Variants in MACROH2A1 observed in about 807,000 individuals in gnomAD.
MACROH2A1 encodes the protein core histone macro-H2A.1.
In MACROH2A1, 2 loss-of-function variants were observed where a neutral mutation model predicts 31.6. The observed-to-expected ratio is 0.06, with a 90% confidence interval of 0.03 to 0.20. MACROH2A1 has a LOEUF of 0.20. MACROH2A1 is among the 10% of genes least tolerant of loss of function. The pLI, the probability that MACROH2A1 is intolerant of heterozygous loss-of-function variation, is 1.00. For missense variants in MACROH2A1, 230 were observed against 474.0 expected, an observed-to-expected ratio of 0.49 and a Z score of 4.78; for synonymous variants, 169 against 189.6, an observed-to-expected ratio of 0.89 and a Z score of 0.89.
chr5:135,357,957 C>T (rs1039543732), intron 5 of MACROH2A1: 1 of 985,144 alleles, frequency 1.0e-6, no homozygotes, highest in Non-Finnish European at 1.2e-6. Flanking sequence ...AGCTTGCTTG[C>T]AATCTTCAAG....
intron 1 of MACROH2A1, among the ~76,000 whole-genome samples, chr5:135,390,387 C>G (rs1767052054): frequency 6.6e-6 from 1 of 152,218 alleles, no homozygotes; most frequent in Non-Finnish European, 1.5e-5. Flanking sequence ...TTACTTGGAG[C>G]ATCCTGTTCA....
intron 8 of MACROH2A1, among the ~76,000 whole-genome samples, chr5:135,339,002 C>A (rs1759302496): frequency 6.6e-6 from 1 of 152,190 alleles, no homozygotes; most frequent in Non-Finnish European, 1.5e-5. Flanking sequence ...ATCAGCCCCA[C>A]CTGGGAGATG....
intron 1 of MACROH2A1, among the ~76,000 whole-genome samples, chr5:135,395,858 A>C (rs545997719): frequency 6.6e-6 from 1 of 152,362 alleles, no homozygotes; most frequent in South Asian, 2.1e-4. Flanking sequence ...ACTCTCAGTG[A>C]ACTAGGGGAC....
chr5:135,341,347 G>T (rs576512848), intron 8 of MACROH2A1, among the ~76,000 whole-genome samples: 3 of 152,202 alleles, frequency 2.0e-5, no homozygotes, highest in Non-Finnish European at 2.9e-5. Flanking sequence ...GCCAGGGAAG[G>T]GGGAGGCAAG....
chr5:135,350,220 A>T (rs1185902771), intron 6 of MACROH2A1, among the ~76,000 whole-genome samples: 1 of 152,104 alleles, frequency 6.6e-6, no homozygotes, highest in Non-Finnish European at 1.5e-5. Context: ...GTCTAGGATG[A>T]TGTTTCTCAT....
intron 1 of MACROH2A1, among the ~76,000 whole-genome samples, chr5:135,392,372 C>T (rs1235203624): frequency 6.6e-6 from 1 of 152,224 alleles, no homozygotes; most frequent in Non-Finnish European, 1.5e-5. Context: ...CATTCTGAGT[C>T]AGGCTCCTGT....
rs1760239493 is a variant in MACROH2A1, at chr5:135,343,259, C to T, written c.953+1G>A. On this transcript the variant is annotated splice_donor_variant, in intron 8 of 8. Coordinates refer to ENST00000511689, the MANE Select transcript of MACROH2A1 (RefSeq NM_138610.3). LOFTEE classifies it high-confidence loss of function. The stretch of plus-strand genomic sequence containing the variant: ...GATACGTAACAAGCATGTGCCCCTA[C>T]CTGCCGCTGCCGATGGATGGAAATG... 1 of 1,613,958 alleles carries T rather than the reference C, an allele frequency of 6.2e-7. No homozygotes were observed. The highest frequency in any genetic ancestry group is 1.3e-5 in the African/African-American group (1 of 74,932).
intron 6 of MACROH2A1, chr5:135,347,582 A>G (rs1176386671): frequency 6.6e-6 from 1 of 152,252 alleles, no homozygotes; most frequent in Non-Finnish European, 1.5e-5. Context: ...TGTTTCTAGT[A>G]AAGTCAGCAT....
intron 1 of MACROH2A1, among the ~76,000 whole-genome samples, chr5:135,396,176 T>TTTTCTACATA (rs1452511598): frequency 6.6e-6 from 1 of 152,144 alleles, no homozygotes; most frequent in Non-Finnish European, 1.5e-5. Flanking sequence ...TACATACTCC[T>TTTTCTACATA]CTCTCTTTTA....
chr5:135,352,800 T>TC, intron 6 of MACROH2A1, 146 bp downstream of exon 6: 1 of 627,782 alleles, frequency 1.6e-6, no homozygotes, highest in South Asian at 1.9e-5. Flanking sequence ...AGTAAGTTGA[T>TC]ATTCAGCGTC....
At chr5:135,385,789 C>A (rs994692394) in intron 2 of MACROH2A1, among the ~76,000 whole-genome samples, 3 of 152,204 alleles carry the variant, frequency 2.0e-5, no homozygotes, top group African/African-American at 7.2e-5. Context: ...GCAGCCTGGG[C>A]CCTCGTTTGG....
intron 5 of MACROH2A1, chr5:135,359,728 C>T (rs1011971933): frequency 6.2e-6 from 6 of 968,498 alleles, no homozygotes; most frequent in African/African-American, 3.5e-5. Flanking sequence ...TAACTTGGAA[C>T]GTCAAATTCA....
chr5:135,388,078 A>C (rs1460695705), intron 2 of MACROH2A1, among the ~76,000 whole-genome samples: 1 of 151,414 alleles, frequency 6.6e-6, no homozygotes, highest in African/African-American at 2.4e-5. Flanking sequence ...GAGGAAGGGC[A>C]CAGGGAAAGG....
chr5:135,336,361 A>G (rs1248715378), intron 8 of MACROH2A1, among the ~76,000 whole-genome samples: 6 of 152,234 alleles, frequency 3.9e-5, no homozygotes, highest in Non-Finnish European at 7.3e-5. Flanking sequence ...ACACGGCTTC[A>G]CCCGGCTGGT....
intron 4 of MACROH2A1, among the ~76,000 whole-genome samples, chr5:135,364,118 T>C (rs1256125755): frequency 6.6e-6 from 1 of 152,194 alleles, no homozygotes; most frequent in Non-Finnish European, 1.5e-5. Context: ...GAAACCATCA[T>C]TCTCAGCAAA....
intron 2 of MACROH2A1, among the ~76,000 whole-genome samples, chr5:135,372,290 G>A (rs558871543): frequency 2.0e-5 from 3 of 152,334 alleles, no homozygotes; most frequent in Admixed American, 6.5e-5. Flanking sequence ...TTATACATGT[G>A]AGAGCCACAA....
chr5:135,385,201 T>C lies in MACROH2A1; in HGVS notation c.172+3721A>G, dbSNP rs553959233. Among the ~76,000 whole-genome samples, 18 of 152,204 alleles carry C rather than the reference T, an allele frequency of 1.2e-4. 1 individual carries two copies. The highest frequency in any genetic ancestry group is 4.1e-4 in the African/African-American group (17 of 41,524). ...CTTGACTACATGCCACCTCTAAGAG[T>C]CTGGGCCATGCAGAGAAGAAAACAA... is the stretch of plus-strand genomic sequence containing the variant. On this transcript the variant is annotated intron_variant, in intron 2 of 8. Coordinates refer to ENST00000511689, the MANE Select transcript of MACROH2A1 (RefSeq NM_138610.3).
At chr5:135,359,354 A>G (rs546748203) in intron 5 of MACROH2A1, 2 of 984,926 alleles carry the variant, frequency 2.0e-6, no homozygotes, top group South Asian at 9.4e-5. Context: ...AGTTGTCTTC[A>G]CTGCTGAGTC....
intron 7 of MACROH2A1, chr5:135,344,378 T>A (rs976148905): frequency 1.3e-5 from 2 of 152,238 alleles, no homozygotes; most frequent in African/African-American, 2.4e-5. Flanking sequence ...TGAAACTTTT[T>A]TTTTTTTTAA....
Sources: allele counts gnomAD v4.1 joint callset (sites outside exome capture counted in the v4.1 genomes callset), GRCh38; gene constraint gnomAD v4.1.1; transcripts MANE v1.5; gene names NCBI Gene and HGNC (gene_info 2026-07-23, HGNC 2026-07-21).